Variants in ADCY2 observed in about 807,000 individuals in gnomAD.
ADCY2 encodes the protein adenylate cyclase 2, also known as adenylate cyclase type 2.
ADCY2 carries 31 observed loss-of-function variants against 125.2 expected under a neutral mutation model. The ratio of observed to expected loss-of-function variants is 0.25; its 90% CI spans 0.19 to 0.33. The LOEUF is 0.33. Ranked by LOEUF, ADCY2 falls within the 10% of genes least tolerant of loss-of-function variation. ADCY2 has a pLI of 1.00. For synonymous variants in ADCY2, 512 were observed against 548.4 expected (o/e 0.93, Z 0.93); for missense variants, 904 against 1,418.2 (o/e 0.64, Z 5.82).
intron 2 of ADCY2, among the ~76,000 whole-genome samples, chr5:7,472,412 T>C (rs960919): frequency 0.043 from 6,590 of 152,224 alleles, 449 homozygotes; most frequent in African/African-American, 0.14. Flanking sequence ...TGTTTATAGA[T>C]TTTGCCTACC....
At chr5:7,615,642 CTG>C (rs1435426603) in intron 3 of ADCY2, among the ~76,000 whole-genome samples, 2 of 152,230 alleles carry the variant, frequency 1.3e-5, no homozygotes, top group East Asian at 3.9e-4. Context: ...GGTTTCCAGA[CTG>C]TGTTCCAAGG....
At chr5:7,703,505 T>C (rs1741158489) in intron 7 of ADCY2, among the ~76,000 whole-genome samples, 2 of 152,220 alleles carry the variant, frequency 1.3e-5, no homozygotes, top group Non-Finnish European at 2.9e-5. Context: ...TTCTTGTTTT[T>C]GTCAGGTTTG....
chr5:7,515,937 G>A (rs1744239028), intron 2 of ADCY2, among the ~76,000 whole-genome samples: 1 of 152,138 alleles, frequency 6.6e-6, no homozygotes, highest in South Asian at 2.1e-4. Context: ...GGCAGGGGAG[G>A]GTTTTCCATT....
intron 4 of ADCY2, among the ~76,000 whole-genome samples, chr5:7,642,336 C>A (rs2892633): frequency 0.13 from 19,975 of 152,024 alleles, 1,410 homozygotes; most frequent in South Asian, 0.2. Flanking sequence ...TGAGAAGTAT[C>A]TGTTTATGTC....
intron 3 of ADCY2, among the ~76,000 whole-genome samples, chr5:7,527,927 A>G (rs931428351): frequency 6.6e-6 from 1 of 152,184 alleles, no homozygotes; most frequent in Non-Finnish European, 1.5e-5. Flanking sequence ...GGAGAGACTA[A>G]TTGTTAGGAA....
intron 1 of ADCY2, among the ~76,000 whole-genome samples, chr5:7,408,906 T>C (rs1389998013): frequency 1.3e-5 from 2 of 152,110 alleles, no homozygotes; most frequent in South Asian, 2.1e-4. Context: ...TATAAATCAT[T>C]CTATTATAAA....
chr5:7,536,631 C>A (rs1734822181), intron 3 of ADCY2, among the ~76,000 whole-genome samples: 1 of 152,184 alleles, frequency 6.6e-6, no homozygotes, highest in African/African-American at 2.4e-5. Context: ...GCTTGATCTT[C>A]TGTATATCAA....
chr5:7,535,584 G>A (rs1479010868), intron 3 of ADCY2, among the ~76,000 whole-genome samples: 2 of 152,144 alleles, frequency 1.3e-5, no homozygotes, highest in African/African-American at 4.8e-5. Flanking sequence ...AAATGACCAC[G>A]CTTCCGGCAT....
intron 14 of ADCY2, among the ~76,000 whole-genome samples, chr5:7,735,744 T>G (rs1174139137): frequency 2.0e-5 from 3 of 152,224 alleles, no homozygotes; most frequent in Admixed American, 6.5e-5. Flanking sequence ...TTGTTAAGGA[T>G]TTTTGTATCC....
chr5:7,820,489 A>G, intron 23 of ADCY2, 76 bp from the exon 24 acceptor site: 2 of 1,537,652 alleles, frequency 1.3e-6, no homozygotes, highest in Non-Finnish European at 1.8e-6. Context: ...ATAAGACCCC[A>G]TCTCAAAAAA....
At chr5:7,663,895 C>G (rs1739623076) in intron 4 of ADCY2, among the ~76,000 whole-genome samples, 1 of 152,160 alleles carries the variant, frequency 6.6e-6, no homozygotes, top group Non-Finnish European at 1.5e-5. Context: ...TTTCTCTAAA[C>G]TGGGAATTGC....
chr5:7,468,990 G>A (rs1415691762), intron 2 of ADCY2, among the ~76,000 whole-genome samples: 1 of 152,070 alleles, frequency 6.6e-6, no homozygotes, highest in Non-Finnish European at 1.5e-5. Flanking sequence ...ACAAGGTCAA[G>A]GCAGAAGAGT....
At chr5:7,772,885 C>T in intron 17 of ADCY2, 47 bp from the exon 18 acceptor site, 1 of 1,579,732 alleles carries the variant, frequency 6.3e-7, no homozygotes, top group South Asian at 1.1e-5. Flanking sequence ...TTCAGCATTT[C>T]TCAGAAGAGA....
At chr5:7,818,781 A>T (rs77880939) in intron 23 of ADCY2, among the ~76,000 whole-genome samples, 4,237 of 147,588 alleles carry the variant, frequency 0.029, 162 homozygotes, top group African/African-American at 0.089. Flanking sequence ...GACCCCAGAG[A>T]CTCTACACTG....
intron 5 of ADCY2, among the ~76,000 whole-genome samples, 170 bp from the exon 6 acceptor site, chr5:7,695,582 C>CTA (rs1579325185): frequency 1.3e-5 from 2 of 152,174 alleles, no homozygotes; most frequent in East Asian, 3.9e-4. Context: ...AAATGTTTAA[C>CTA]AAGTTCAAAA....
intron 2 of ADCY2, among the ~76,000 whole-genome samples, chr5:7,498,206 A>G (rs1411683840): frequency 1.4e-5 from 2 of 147,600 alleles, no homozygotes; most frequent in Admixed American, 1.3e-4. Context: ...ATTGACAAGG[A>G]TATAGAGTAA....
chr5:7,712,986 A>C lies in ADCY2; in HGVS notation c.1622+87A>C, dbSNP rs529492006. 6.1e-5 allele frequency: 64 copies of C among 1,045,488 alleles called. No individual in the cohort carries two copies. The African/African-American group carries it at 9.2e-4, about 15-fold the overall frequency. 64.8% of individuals were successfully genotyped at this position (1,045,488 alleles called of 1,614,324 possible). A position where few individuals can be genotyped will look rare whatever the true frequency, so the allele number is the denominator to read the frequency against. ...ATTATCATCAATTATGGTAATTTCA[A>C]GGGCTACTTCTGAAAGAGCAGCTCC... On this transcript the variant is annotated intron_variant, in intron 11 of 24. Transcript: ENST00000338316.
At chr5:7,618,327 A>C (rs924281009) in intron 3 of ADCY2, among the ~76,000 whole-genome samples, 1 of 152,284 alleles carries the variant, frequency 6.6e-6, no homozygotes, top group African/African-American at 2.4e-5. Context: ...GTGTAATTCC[A>C]AATTGACCTT....
At chr5:7,673,099 C>T (rs148197486) in intron 4 of ADCY2, among the ~76,000 whole-genome samples, 166 of 150,800 alleles carry the variant, frequency 1.1e-3, no homozygotes, top group African/African-American at 3.8e-3. Flanking sequence ...TAAGCAAAAC[C>T]GAATTTTATA....
Sources: allele counts gnomAD v4.1 joint callset (sites outside exome capture counted in the v4.1 genomes callset), GRCh38; gene constraint gnomAD v4.1.1; transcripts MANE v1.5; gene names NCBI Gene and HGNC (gene_info 2026-07-23, HGNC 2026-07-21).